The following ARIH2 variants were observed in gnomAD, a reference collection of about 807,000 sequenced individuals.
ARIH2 encodes the protein ariadne RBR E3 ubiquitin protein ligase 2.
ARIH2 carries 12 observed loss-of-function variants against 79.8 expected under a neutral mutation model. The observed-to-expected ratio is 0.15, with a 90% confidence interval of 0.10 to 0.24. The LOEUF (loss-of-function observed/expected upper bound fraction) is 0.24. ARIH2 is among the 10% of genes least tolerant of loss of function. ARIH2 has a pLI of 1.00. For synonymous variants in ARIH2, 224 were observed against 213.9 expected, an observed-to-expected ratio of 1.05 and a Z score of -0.41; for missense variants, 301 against 618.3, an observed-to-expected ratio of 0.49 and a Z score of 5.44.
At chr3:48,973,586 A>G (rs2092358665) in intron 8 of ARIH2, 113 bp from the exon 9 acceptor site, 7 of 754,814 alleles carry the variant, frequency 9.3e-6, no homozygotes, top group South Asian at 1.8e-5. Context: ...AAAAAAAAAA[A>G]AAAAAAGAAA....
chr3:48,941,015 A>G (rs1480830036), intron 3 of ARIH2, among the ~76,000 whole-genome samples: 1 of 149,792 alleles, frequency 6.7e-6, no homozygotes, highest in African/African-American at 2.4e-5. Context: ...TGAAAATACA[A>G]AAAAAAATTA....
chr3:48,930,495 A>AT (rs944908514), intron 3 of ARIH2, among the ~76,000 whole-genome samples: 29 of 149,610 alleles, frequency 1.9e-4, no homozygotes, highest in Admixed American at 1.2e-3. Context: ...AACAACAAAA[A>AT]TTTTTTTTTT....
At chr3:48,982,530 G>C (rs188956527) in intron 14 of ARIH2, among the ~76,000 whole-genome samples, 1 of 152,068 alleles carries the variant, frequency 6.6e-6, no homozygotes, top group Non-Finnish European at 1.5e-5. Flanking sequence ...TGATTTGCTG[G>C]AGGACTGAAA....
At chr3:48,963,177 T>C (rs981425292) in intron 4 of ARIH2, among the ~76,000 whole-genome samples, 8 of 152,332 alleles carry the variant, frequency 5.3e-5, no homozygotes, top group African/African-American at 1.9e-4. Flanking sequence ...ATTCACTAAC[T>C]GCACTCATCC....
At position 48,954,762 on chromosome 3, in the gene ARIH2, G is replaced by A. The variant is rs142434022; in HGVS notation, c.256-6850G>A. Among the ~76,000 whole-genome samples the A allele has an allele frequency of 5.2e-3, 794 of 152,288 alleles. 10 individuals are homozygous for A. Among genetic ancestry groups the A allele is most frequent in the African/African-American group, 0.018 (757 of 41,568 alleles). On this transcript the variant is annotated intron_variant, in intron 3 of 15. Transcript: ENST00000356401. ...TGGTACCCTTTTTGGCCCTTGATAT[G>A]GAGGGAACAATAGATACCTTTTTTA...
At chr3:48,939,617 G>A (rs1352580998) in intron 3 of ARIH2, among the ~76,000 whole-genome samples, 1 of 151,426 alleles carries the variant, frequency 6.6e-6, no homozygotes, top group Non-Finnish European at 1.5e-5. Context: ...AATTAGCCGG[G>A]TGTGGTGGTG....
intron 7 of ARIH2, among the ~76,000 whole-genome samples, chr3:48,969,892 GTTT>G (rs1316536295): frequency 1.5e-5 from 2 of 137,348 alleles, no homozygotes; most frequent in African/African-American, 2.7e-5. Context: ...TCAGATATAT[GTTT>G]TTTTTTTTTT....
chr3:48,920,492 C>CTTTT (rs1242750147), intron 1 of ARIH2, among the ~76,000 whole-genome samples: 1 of 40,982 alleles, frequency 2.4e-5, no homozygotes, highest in Non-Finnish European at 4.3e-5. Flanking sequence ...TGAGCAATTT[C>CTTTT]TTTTTTTTTT....
chr3:48,923,381 C>T (rs1463317241), intron 2 of ARIH2, among the ~76,000 whole-genome samples: 1 of 147,836 alleles, frequency 6.8e-6, no homozygotes, highest in African/African-American at 2.5e-5. Flanking sequence ...GCCAGGGTGA[C>T]AGAGTGAGAC....
intron 3 of ARIH2, among the ~76,000 whole-genome samples, chr3:48,941,356 A>G (rs996549050): frequency 1.3e-5 from 2 of 152,122 alleles, no homozygotes; most frequent in Admixed American, 6.6e-5. Flanking sequence ...AAAAGTTGGG[A>G]CTTGAAAGTG....
At position 48,965,123 on chromosome 3, in the gene ARIH2, G is replaced by GGC. The variant is rs1393824944; in HGVS notation, c.387+143_387+144dup. On this transcript the variant is annotated intron_variant, in intron 5 of 15. Coordinates refer to ENST00000356401, the MANE Select transcript of ARIH2 (RefSeq NM_006321.4). Reference sequence around the variant, plus strand: ...TAATCCCAGCACTTTGGGAGGCTGAGGCGGGTGGATTACGAGGTCAGGAGA... The same window carrying GGC: ...TAATCCCAGCACTTTGGGAGGCTGAGGCGCGGGTGGATTACGAGGTCAGGAGA... 4.9e-6 allele frequency: 3 copies of GGC among 614,522 alleles called. No homozygotes were observed. In the African/African-American group the frequency reaches 5.7e-5, roughly 12 times the overall value. The allele number at this position is 614,522 out of a possible 1,614,324, so 38.1% of individuals were successfully genotyped here.
chr3:48,919,054 C>T, intron 1 of ARIH2, 56 bp downstream of exon 1: 3 of 1,325,282 alleles, frequency 2.3e-6, no homozygotes, highest in Non-Finnish European at 2.9e-6. Flanking sequence ...GCTGGGGGGG[C>T]CTCTCCGCGC....
chr3:48,931,438 A>T (rs1053435970), intron 3 of ARIH2, among the ~76,000 whole-genome samples: 11 of 152,000 alleles, frequency 7.2e-5, no homozygotes, highest in Admixed American at 5.9e-4. Flanking sequence ...GGTCCCAGCT[A>T]CTCAGGAGGC....
Position 48,974,969 on chromosome 3 carries a change from A to G in ARIH2, c.951A>G (p.Lys317=), listed in dbSNP as rs770149821. Residue 317 remains lysine, a synonymous_variant, in exon 11 of 16, where the codon AAA becomes AAG. Coordinates refer to ENST00000356401, the MANE Select transcript of ARIH2 (RefSeq NM_006321.4). The stretch of plus-strand genomic sequence containing the variant: ...TTTCCCTCTGACAGCAATGCTCCAA[A>G]TGTAAACACGGTGAGTTCCAAGCTT... ...NGGCNHMQCS[K]CKHDFCWMCL... The G allele has an allele frequency of 5.0e-6, 8 of 1,614,090 alleles. No individual in the cohort carries two copies. Among genetic ancestry groups the G allele is most frequent in the South Asian group, 2.2e-5 (2 of 91,084 alleles).
At chr3:48,973,225 C>T (rs1416683934) in intron 8 of ARIH2, among the ~76,000 whole-genome samples, 2 of 152,098 alleles carry the variant, frequency 1.3e-5, no homozygotes, top group African/African-American at 4.8e-5. Flanking sequence ...GGGCAGATCT[C>T]GAGGTCAAGA....
At chr3:48,929,777 T>G (rs1249200662) in intron 3 of ARIH2, among the ~76,000 whole-genome samples, 1 of 152,184 alleles carries the variant, frequency 6.6e-6, no homozygotes, top group Admixed American at 6.6e-5. Context: ...TGGATACTTG[T>G]GGATTTTGTT....
intron 3 of ARIH2, among the ~76,000 whole-genome samples, chr3:48,930,354 G>A (rs1275279546): frequency 6.6e-6 from 1 of 152,174 alleles, no homozygotes; most frequent in Non-Finnish European, 1.5e-5. Context: ...GTGCTAGCAT[G>A]TTCCTGTAGT....
intron 7 of ARIH2, 95 bp downstream of exon 7, chr3:48,968,750 T>C: frequency 6.7e-7 from 1 of 1,500,206 alleles, no homozygotes; most frequent in Non-Finnish European, 9.0e-7. Context: ...AGGCTGACAT[T>C]AAGTGATAGT....
chr3:48,929,133 T>G (rs530116423), intron 3 of ARIH2, among the ~76,000 whole-genome samples: 1 of 152,328 alleles, frequency 6.6e-6, no homozygotes, highest in South Asian at 2.1e-4. Context: ...GATATGTTCA[T>G]AATGTTAGGT....
Sources: gnomAD v4.1 joint callset for allele counts (sites outside exome capture counted in the v4.1 genomes callset) on GRCh38, gnomAD v4.1.1 for gene constraint, MANE v1.5 for transcripts, NCBI Gene and HGNC (gene_info 2026-07-23, HGNC 2026-07-21) for gene names.